Variants in CCSER2 observed in about 807,000 individuals in gnomAD.
CCSER2 encodes the protein serine-rich coiled-coil domain-containing protein 2.
Under a neutral mutation model 92.3 loss-of-function variants are expected in CCSER2, and 46 were observed. That is an observed-to-expected ratio of 0.50 (90% CI 0.39 to 0.64). CCSER2 has a LOEUF of 0.64. Among genes scored for constraint, CCSER2 ranks in the 30% least tolerant of loss-of-function variants. The pLI is 0.00. For missense variants in CCSER2, 1,244 were observed against 1,238.9 expected, an observed-to-expected ratio of 1.00 and a Z score of -0.06; for synonymous variants, 433 against 431.4, an observed-to-expected ratio of 1.00 and a Z score of -0.04.
chr10:84,374,379 A>G (rs1846221696), intron 3 of CCSER2, among the ~76,000 whole-genome samples: 1 of 152,188 alleles, frequency 6.6e-6, no homozygotes. Context: ...GGGTCTGGAC[A>G]GCTCTCTAGG....
intron 3 of CCSER2, among the ~76,000 whole-genome samples, chr10:84,404,113 A>G (rs11596341): frequency 0.21 from 31,949 of 152,170 alleles, 3,607 homozygotes; most frequent in Admixed American, 0.34. Context: ...GTTGCTCTGT[A>G]GCCAGATGCC....
At chr10:84,372,935 A>G (rs1283649593) in intron 2 of CCSER2, among the ~76,000 whole-genome samples, 5 of 152,212 alleles carry the variant, frequency 3.3e-5, no homozygotes, top group African/African-American at 9.6e-5. Flanking sequence ...TTGTTTAGCA[A>G]TTTTTTAGAT....
At chr10:84,512,329 G>C (rs1163974053) in intron 9 of CCSER2, among the ~76,000 whole-genome samples, 1 of 148,620 alleles carries the variant, frequency 6.7e-6, no homozygotes, top group Non-Finnish European at 1.5e-5. Context: ...AAAGCCCTTT[G>C]CCAAAGTTTT....
At chr10:84,497,458 A>G (rs1848513438) in intron 9 of CCSER2, among the ~76,000 whole-genome samples, 2 of 152,176 alleles carry the variant, frequency 1.3e-5, no homozygotes, top group South Asian at 4.1e-4. Flanking sequence ...CCCTTCTTAT[A>G]CTCAGACCTA....
chr10:84,391,198 TA>T, intron 3 of CCSER2: 5 of 958,936 alleles, frequency 5.2e-6, no homozygotes, highest in Non-Finnish European at 1.7e-6. Flanking sequence ...CTTTCTTCCA[TA>T]CTGTGAACCT....
chr10:84,438,900 C>T (rs1844352355), intron 6 of CCSER2, among the ~76,000 whole-genome samples, 193 bp downstream of exon 6: 1 of 152,158 alleles, frequency 6.6e-6, no homozygotes, highest in Non-Finnish European at 1.5e-5. Flanking sequence ...GGTCTCATTA[C>T]ACAGTCCCTG....
chr10:84,462,856 A>G (rs900241140), intron 6 of CCSER2, among the ~76,000 whole-genome samples: 2 of 152,216 alleles, frequency 1.3e-5, no homozygotes, highest in South Asian at 2.1e-4. Context: ...CCTATTGTAG[A>G]CATTATCCAT....
intron 9 of CCSER2, among the ~76,000 whole-genome samples, chr10:84,483,642 T>C (rs1847586545): frequency 6.6e-6 from 1 of 151,992 alleles, no homozygotes; most frequent in African/African-American, 2.4e-5. Context: ...GATGGAACGC[T>C]AACCAAAAGA....
At chr10:84,391,619 A>G (rs1022797717) in intron 3 of CCSER2, 26 of 1,530,864 alleles carry the variant, frequency 1.7e-5, no homozygotes, top group Middle Eastern at 2.3e-4. Context: ...TTATATTCCT[A>G]TGGTGTTGCA....
intron 5 of CCSER2, 21 bp from the exon 6 acceptor site, chr10:84,438,491 C>A (rs774650535): frequency 4.9e-6 from 7 of 1,418,726 alleles, no homozygotes; most frequent in Non-Finnish European, 6.8e-6. Context: ...TTTCCCTCCA[C>A]CTTCTTCCCT....
intron 3 of CCSER2, among the ~76,000 whole-genome samples, chr10:84,403,748 A>G (rs1361868026): frequency 6.6e-6 from 1 of 152,208 alleles, no homozygotes; most frequent in Non-Finnish European, 1.5e-5. Flanking sequence ...AGAATAACCA[A>G]TATAAAAAAT....
intron 9 of CCSER2, among the ~76,000 whole-genome samples, chr10:84,495,005 T>G (rs1848371284): frequency 7.0e-6 from 1 of 143,484 alleles, no homozygotes; most frequent in South Asian, 2.3e-4. Context: ...TCTTCTTACT[T>G]TGGGTTTATT....
intron 9 of CCSER2, among the ~76,000 whole-genome samples, chr10:84,481,267 A>T (rs1847441382): frequency 6.6e-6 from 1 of 152,254 alleles, no homozygotes; most frequent in African/African-American, 2.4e-5. Flanking sequence ...CTGTTATGTA[A>T]TGTTTTCTTA....
At chr10:84,410,736 GTT>G (rs1467933742) in intron 3 of CCSER2, among the ~76,000 whole-genome samples, 1 of 152,160 alleles carries the variant, frequency 6.6e-6, no homozygotes, top group East Asian at 1.9e-4. Context: ...CCTTATGATA[GTT>G]TCCTTTGCTG....
intron 7 of CCSER2, among the ~76,000 whole-genome samples, chr10:84,468,913 A>G (rs1266434926): frequency 6.6e-6 from 1 of 152,190 alleles, no homozygotes; most frequent in Non-Finnish European, 1.5e-5. Flanking sequence ...TTTTTCCTGC[A>G]GTCTGGTTAA....
At chr10:84,367,905 G>C (rs1326064381) in intron 1 of CCSER2, among the ~76,000 whole-genome samples, 5 of 151,946 alleles carry the variant, frequency 3.3e-5, no homozygotes, top group Non-Finnish European at 4.4e-5. Context: ...GTCTTGCTCA[G>C]GCTTAATTTG....
intron 9 of CCSER2, among the ~76,000 whole-genome samples, chr10:84,509,265 A>G (rs1849227100): frequency 6.6e-6 from 1 of 152,222 alleles, no homozygotes; most frequent in Non-Finnish European, 1.5e-5. Flanking sequence ...TTCTTGGCCA[A>G]ATAAGTAATT....
chr10:84,453,303 A>G (rs1455352672), intron 6 of CCSER2, among the ~76,000 whole-genome samples: 3 of 152,250 alleles, frequency 2.0e-5, no homozygotes, highest in Non-Finnish European at 2.9e-5. Context: ...TTTGTGGGCT[A>G]GAACAGAGTT....
intron 9 of CCSER2, among the ~76,000 whole-genome samples, chr10:84,503,383 A>G (rs1848873426): frequency 6.6e-6 from 1 of 152,242 alleles, no homozygotes; most frequent in South Asian, 2.1e-4. Flanking sequence ...CTAGGTTAGC[A>G]GAAAATATCT....
Sources: allele counts gnomAD v4.1 joint callset (sites outside exome capture counted in the v4.1 genomes callset), GRCh38; gene constraint gnomAD v4.1.1; transcripts MANE v1.5; gene names NCBI Gene and HGNC (gene_info 2026-07-23, HGNC 2026-07-21).